The following EMC3 variants were observed in gnomAD, a reference collection of about 807,000 sequenced individuals.
EMC3 encodes 30 kDa protein.
Under a neutral mutation model 36.6 loss-of-function variants are expected in EMC3, and 13 were observed. The observed-to-expected ratio is 0.35, with a 90% CI of 0.23 to 0.56. EMC3 has a LOEUF of 0.56. Among genes scored for constraint, EMC3 ranks in the 20% least tolerant of loss-of-function variants. The probability of loss-of-function intolerance (pLI) is 0.84; values close to 1 mark genes in which losing one functional copy is unlikely to be tolerated. For missense variants in EMC3, 220 were observed against 324.5 expected, an observed-to-expected ratio of 0.68 and a Z score of 2.47; for synonymous variants, 120 against 111.9, an observed-to-expected ratio of 1.07 and a Z score of -0.46.
At chr3:9,986,428 G>T in intron 1 of EMC3, 79 bp downstream of exon 1, 1 of 1,553,678 alleles carries the variant, frequency 6.4e-7, no homozygotes, top group Non-Finnish European at 8.8e-7. Flanking sequence ...GTGAACCTAG[G>T]CAAATTGACA....
chr3:9,994,334 A>C, intron 1 of EMC3: 2 of 847,524 alleles, frequency 2.4e-6, no homozygotes. Context: ...GTATGTTGAA[A>C]TACTTATTTT....
At chr3:9,969,303 G>C (rs2085761957) in intron 7 of EMC3, 8 of 1,107,758 alleles carry the variant, frequency 7.2e-6, no homozygotes, top group Non-Finnish European at 8.9e-6. Context: ...AACACAGTGA[G>C]ATTTTGTCCC....
intron 1 of EMC3, among the ~76,000 whole-genome samples, 160 bp from the exon 2 acceptor site, chr3:9,977,606 A>G (rs747463784): frequency 2.6e-5 from 4 of 152,212 alleles, no homozygotes; most frequent in Non-Finnish European, 5.9e-5. Context: ...AAACCAACGT[A>G]AACTTATTTA....
chr3:9,968,348 CTTAT>C (rs1388258039), intron 7 of EMC3, among the ~76,000 whole-genome samples: 3 of 152,180 alleles, frequency 2.0e-5, no homozygotes, highest in Admixed American at 6.5e-5. Context: ...TGATGTTGAA[CTTAT>C]TTATTAGCTC....
At chr3:10,004,920 G>C (rs2086247758) in intron 1 of EMC3, 1 of 152,254 alleles carries the variant, frequency 6.6e-6, no homozygotes, top group Non-Finnish European at 1.5e-5. Flanking sequence ...ATAGCTTTTA[G>C]AGGCAGGATT....
At chr3:10,000,940 T>G in intron 1 of EMC3, 4 of 402,906 alleles carry the variant, frequency 9.9e-6, no homozygotes, top group South Asian at 7.3e-5. Context: ...TTTCTCAACA[T>G]CACTTGTATT....
intron 1 of EMC3, among the ~76,000 whole-genome samples, chr3:9,979,710 A>G (rs2085889038): frequency 6.6e-6 from 1 of 152,222 alleles, no homozygotes; most frequent in Admixed American, 6.5e-5. Context: ...CATGTCCTAG[A>G]GAGAGATGGA....
intron 1 of EMC3, among the ~76,000 whole-genome samples, chr3:9,998,855 C>T (rs1380849396): frequency 6.6e-6 from 1 of 152,152 alleles, no homozygotes; most frequent in African/African-American, 2.4e-5. Context: ...TTCCGAGGCT[C>T]AAGCGATCCT....
chr3:10,002,277 T>TTTTTATTTTATTTTATTTTATTTTA (rs1553604624), intron 1 of EMC3, among the ~76,000 whole-genome samples: 13 of 148,146 alleles, frequency 8.8e-5, no homozygotes, highest in African/African-American at 3.0e-4. Context: ...GCAGTTTCTT[T>TTTTTATTTTATTTTATTTTATTTTA]TTTTATTTTA....
chr3:9,972,252 C>T (rs2085793122), intron 5 of EMC3, among the ~76,000 whole-genome samples: 1 of 151,744 alleles, frequency 6.6e-6, no homozygotes. Flanking sequence ...TACAAACTTC[C>T]ACTCCCATAA....
rs1186833516 is a variant in EMC3, at chr3:10,008,535, C to T, written c.-242+2488G>A. On this transcript the variant is annotated intron_variant, in intron 1 of 8. Transcript: ENST00000470827. ...GGGTGGGGAGCAGGCCTCAGCAGGG[C>T]GGGTTCCCAAAAGACAGCCCAGAGA... 30 of 1,332,540 alleles carry T rather than the reference C, an allele frequency of 2.3e-5. No homozygotes were observed. The Admixed American group carries it at 3.7e-4, about 16-fold the overall frequency. 82.5% of individuals were successfully genotyped at this position (1,332,540 alleles called of 1,614,324 possible).
Position 9,986,727 on chromosome 3 carries a change from C to T in EMC3, c.-66G>A, listed in dbSNP as rs573708659. ...TCTCTTCTCCGGGGCACAGTTGCTT[C>T]TCTTCGGCTTCGCCTCCGGGCCTTC... On this transcript the variant is annotated 5_prime_UTR_variant, in exon 1 of 8. Transcript: ENST00000245046. 15 of 1,594,054 alleles carry T rather than the reference C, an allele frequency of 9.4e-6. No homozygotes were observed. The Admixed American group carries it at 1.2e-4, about 13-fold the overall frequency.
chr3:10,005,449 A>C lies in EMC3; in HGVS notation c.-242+5574T>G, dbSNP rs148609133. Among the ~76,000 whole-genome samples, 350 of 152,248 alleles carry C rather than the reference A, an allele frequency of 2.3e-3. 2 individuals are homozygous for C. Among genetic ancestry groups the C allele is most frequent in the Middle Eastern group, 0.014 (4 of 294 alleles). ...GCCAGTGACCCGCCAGGGACATACA[A>C]AGCCTCAGTGTCATACTGTATTTCA... is the stretch of plus-strand genomic sequence containing the variant. On this transcript the variant is annotated intron_variant, in intron 1 of 8. Coordinates refer to the EMC3 transcript ENST00000470827.
At chr3:9,999,676 C>T (rs900130699) in intron 1 of EMC3, among the ~76,000 whole-genome samples, 18 of 152,128 alleles carry the variant, frequency 1.2e-4, no homozygotes, top group Non-Finnish European at 2.5e-4. Flanking sequence ...ATCACAAATA[C>T]GCAGCAGTTT....
upstream of EMC3, chr3:9,987,315 G>A (rs549273485): frequency 7.1e-6 from 7 of 985,508 alleles, no homozygotes; most frequent in Admixed American, 4.3e-4. Flanking sequence ...GCTCCCCTGC[G>A]ACCTAATCTC....
chr3:9,978,682 T>G (rs2085876304), intron 1 of EMC3, among the ~76,000 whole-genome samples: 2 of 151,812 alleles, frequency 1.3e-5, no homozygotes, highest in Admixed American at 6.6e-5. Context: ...ATATAAAAAT[T>G]AGCCGGGTGT....
chr3:9,975,154 C>T (rs983648411), intron 3 of EMC3, among the ~76,000 whole-genome samples: 6 of 152,246 alleles, frequency 3.9e-5, no homozygotes, highest in Admixed American at 3.3e-4. Flanking sequence ...CGTCAGCCAC[C>T]GTACCCAGTC....
intron 1 of EMC3, among the ~76,000 whole-genome samples, chr3:9,985,967 G>GT (rs1440289347): frequency 2.0e-5 from 3 of 152,196 alleles, no homozygotes; most frequent in African/African-American, 7.2e-5. Context: ...CTCCACTCTA[G>GT]TGGGGGGAAA....
At position 9,986,800 on chromosome 3, in the gene EMC3, C is replaced by A; in HGVS notation, c.-139G>T. The A allele has an allele frequency of 2.7e-6, 4 of 1,456,374 alleles. No individual in the cohort carries two copies. The highest frequency in any genetic ancestry group is 3.6e-6 in the Non-Finnish European group (4 of 1,103,264). 90.2% of individuals were successfully genotyped at this position (1,456,374 alleles called of 1,614,324 possible). A position where few individuals can be genotyped will look rare whatever the true frequency, so the allele number is the denominator to read the frequency against. On this transcript the variant is annotated 5_prime_UTR_variant, in exon 1 of 8. Coordinates refer to ENST00000245046, the MANE Select transcript of EMC3 (RefSeq NM_001394674.1). ...CCCAGAACTCTCCTGCGACTGTGAG[C>A]CGAGCTTACTGCCTTCAGCTGGGCT...
Sources: gnomAD v4.1 joint callset for allele counts (sites outside exome capture counted in the v4.1 genomes callset) on GRCh38, gnomAD v4.1.1 for gene constraint, MANE v1.5 for transcripts, NCBI Gene and HGNC (gene_info 2026-07-23, HGNC 2026-07-21) for gene names.